The following DIABLO variants were observed in gnomAD, a reference collection of about 807,000 sequenced individuals.
DIABLO encodes diablo IAP-binding mitochondrial protein.
A neutral mutation model predicts 31.7 loss-of-function variants in DIABLO; 32 were observed. The ratio of observed to expected loss-of-function variants is 1.01; its 90% CI spans 0.76 to 1.35. The LOEUF (loss-of-function observed/expected upper bound fraction) is 1.35. Among genes scored for constraint, DIABLO ranks in the 40% most tolerant of loss-of-function variants. DIABLO has a pLI of 0.00. For synonymous variants in DIABLO, 132 were observed against 103.2 expected, an observed-to-expected ratio of 1.28 and a Z score of -1.69; for missense variants, 316 against 286.4, an observed-to-expected ratio of 1.10 and a Z score of -0.75.
intron 2 of DIABLO, 129 bp downstream of exon 2, chr12:122,224,383 G>A (rs1309641962): frequency 7.4e-7 from 1 of 1,359,574 alleles, no homozygotes; most frequent in Admixed American, 1.7e-5. Flanking sequence ...GTGAAAAGAT[G>A]CCGGTACTGT....
At chr12:122,211,373 CG>C (rs1194785717) in intron 5 of DIABLO, among the ~76,000 whole-genome samples, 2 of 151,952 alleles carry the variant, frequency 1.3e-5, no homozygotes, top group East Asian at 3.9e-4. Context: ...CACTCCAACC[CG>C]GGTGACAGAG....
chr12:122,226,338 C>A (rs1307958742), upstream of DIABLO: 1 of 593,812 alleles, frequency 1.7e-6, no homozygotes, highest in Non-Finnish European at 3.0e-6. Context: ...CGGGCCAGGG[C>A]TTGAAGGGAA....
chr12:122,216,508 G>T lies in DIABLO; in HGVS notation c.503C>A (p.Ala168Glu). 6.2e-7 allele frequency: 1 copy of T among 1,613,916 alleles called. No individual in the cohort carries two copies. The highest frequency in any genetic ancestry group is 8.5e-7 in the Non-Finnish European group (1 of 1,179,960). Residue 168 changes from alanine (A) to glutamate (E), a missense_variant, in exon 5 of 6, where the codon GCA becomes GAA. Coordinates refer to ENST00000464942, the MANE Select transcript of DIABLO (RefSeq NM_001371333.1). ...MTAVGLSEMA[A>E]EAAYQTGADQ... is the part of the protein sequence containing the mutation. ...CCTACCAGTTTGATATGCAGCTTCT[G>T]CTGCCATCTCTGAAAGACCAACTGC...
intron 1 of DIABLO, chr12:122,225,239 T>A: frequency 1.7e-5 from 4 of 231,718 alleles, no homozygotes; most frequent in Non-Finnish European, 2.8e-5. Context: ...AAAAAAAAAA[T>A]TAGCCGGGCG....
chr12:122,220,773 G>C (rs536508794), intron 2 of DIABLO: 2 of 152,276 alleles, frequency 1.3e-5, no homozygotes, highest in Non-Finnish European at 2.9e-5. Flanking sequence ...AGGCAGTCAA[G>C]AAATATTTTT....
At chr12:122,216,630 CCCA>C in intron 4 of DIABLO, 46 bp from the exon 5 acceptor site, 3 of 1,586,662 alleles carry the variant, frequency 1.9e-6, no homozygotes, top group Non-Finnish European at 2.6e-6. Flanking sequence ...AGAGGTCTAG[CCCA>C]TTTAAATGGA....
At chr12:122,225,065 T>C (rs1954422872) in intron 1 of DIABLO, 2 of 347,428 alleles carry the variant, frequency 5.8e-6, no homozygotes, top group East Asian at 7.7e-5. Flanking sequence ...ACACAAAAAT[T>C]AGCCCGGAGT....
intron 5 of DIABLO, among the ~76,000 whole-genome samples, chr12:122,213,274 A>C (rs1418231105): frequency 6.6e-6 from 1 of 151,964 alleles, no homozygotes; most frequent in East Asian, 1.9e-4. Flanking sequence ...TCATGTCTGT[A>C]ATCCCAGCAG....
Position 122,207,938 on chromosome 12 carries a change from A to G in DIABLO, c.*443T>C. ...GAAATACATACAAAGAAATCGTACA[A>G]ACTGGACAGGTTCCCCTCCCCCTGC... On this transcript the variant is annotated 3_prime_UTR_variant, in exon 6 of 6. Coordinates refer to ENST00000464942, the MANE Select transcript of DIABLO (RefSeq NM_001371333.1). 1 of 462,348 alleles carries G rather than the reference A, an allele frequency of 2.2e-6. No individual in the cohort carries two copies. The highest frequency in any genetic ancestry group is 2.3e-5 in the Admixed American group (1 of 42,774). The allele number at this position is 462,348 out of a possible 1,614,324, so 28.6% of individuals were successfully genotyped here.
chr12:122,213,985 A>G (rs1954146056), intron 5 of DIABLO, among the ~76,000 whole-genome samples: 1 of 152,064 alleles, frequency 6.6e-6, no homozygotes, highest in African/African-American at 2.4e-5. Flanking sequence ...CTCAGGAGGC[A>G]GAGGCAAGAG....
intron 5 of DIABLO, among the ~76,000 whole-genome samples, chr12:122,209,474 G>C (rs1954027873): frequency 6.6e-6 from 1 of 152,166 alleles, no homozygotes; most frequent in African/African-American, 2.4e-5. Flanking sequence ...GACCAGCCTG[G>C]GTAACACGGT....
intron 5 of DIABLO, among the ~76,000 whole-genome samples, chr12:122,210,589 C>T (rs1481388101): frequency 1.3e-5 from 2 of 150,492 alleles, no homozygotes; most frequent in South Asian, 4.2e-4. Context: ...CCACGTTAGC[C>T]AGGATGGTCT....
intron 5 of DIABLO, among the ~76,000 whole-genome samples, chr12:122,211,850 A>T (rs533342419): frequency 6.6e-6 from 1 of 152,304 alleles, no homozygotes; most frequent in East Asian, 1.9e-4. Flanking sequence ...TAATGTCTTA[A>T]TGAATTGTTC....
chr12:122,210,668 C>A (rs576734891), intron 5 of DIABLO, among the ~76,000 whole-genome samples: 3 of 151,998 alleles, frequency 2.0e-5, no homozygotes, highest in Non-Finnish European at 2.9e-5. Flanking sequence ...CGTGAGCCAC[C>A]GCGCCCAGGT....
intron 5 of DIABLO, among the ~76,000 whole-genome samples, chr12:122,213,867 C>T (rs567426841): frequency 6.6e-6 from 1 of 152,206 alleles, no homozygotes; most frequent in South Asian, 2.1e-4. Context: ...GGCAGATCAC[C>T]TGAGATCAGG....
rs1006474965 is a variant in DIABLO, at chr12:122,207,752, A to G, written c.*629T>C. 2.1e-6 allele frequency: 1 copy of G among 484,328 alleles called. No individual in the cohort carries two copies. The highest frequency in any genetic ancestry group is 2.3e-5 in the Admixed American group (1 of 43,424). The allele number at this position is 484,328 out of a possible 1,614,324, so 30.0% of individuals were successfully genotyped here. ...GGATACAATAGAGAAACGGAAAGAA[A>G]GGAAGGAACAAGAGGCCTGTGTTAA... On this transcript the variant is annotated 3_prime_UTR_variant, in exon 6 of 6. Transcript: ENST00000464942.
At chr12:122,211,467 G>C (rs1954087520) in intron 5 of DIABLO, among the ~76,000 whole-genome samples, 1 of 151,864 alleles carries the variant, frequency 6.6e-6, no homozygotes. Context: ...CTAGCACTCT[G>C]GCAGGCCAAG....
At chr12:122,208,680 TG>T in intron 5 of DIABLO, 103 bp from the exon 6 acceptor site, 6 of 1,182,932 alleles carry the variant, frequency 5.1e-6, no homozygotes, top group Non-Finnish European at 7.3e-6. Flanking sequence ...GAACCCCTCT[TG>T]GGGTCACTTT....
In DIABLO at chr12:122,221,221, A is replaced by G. The variant is rs145367101; in HGVS notation, c.184-2824T>C. The stretch of plus-strand genomic sequence containing the variant: ...AGGAAAGGCTTTAAATAGAGGTGAG[A>G]CTTGGTACTAAAGATACCTAGAATC... On this transcript the variant is annotated intron_variant, in intron 2 of 5. Transcript: ENST00000464942. 28 of 152,318 alleles carry G rather than the reference A, an allele frequency of 1.8e-4. No homozygotes were observed. The East Asian group carries it at 4.6e-3, about 25-fold the overall frequency. The allele number at this position is 152,318 out of a possible 1,614,324, so 9.4% of individuals were successfully genotyped here.
Sources: gnomAD v4.1 joint callset for allele counts (sites outside exome capture counted in the v4.1 genomes callset) on GRCh38, gnomAD v4.1.1 for gene constraint, MANE v1.5 for transcripts, NCBI Gene and HGNC (gene_info 2026-07-23, HGNC 2026-07-21) for gene names.